The following TRIM37 variants were observed in gnomAD, a reference collection of about 807,000 sequenced individuals.
TRIM37 encodes tripartite motif containing 37, also known as E3 ubiquitin-protein ligase TRIM37.
A neutral mutation model predicts 129.8 loss-of-function variants in TRIM37; 80 were observed. The observed-to-expected ratio is 0.62, with a 90% CI of 0.51 to 0.74. The LOEUF (loss-of-function observed/expected upper bound fraction) is 0.74. TRIM37 is among the 30% of genes least tolerant of loss of function. TRIM37 has a pLI of 0.00. For synonymous variants in TRIM37, 389 were observed against 387.1 expected, an observed-to-expected ratio of 1.00 and a Z score of -0.06; for missense variants, 1,054 against 1,176.5, an observed-to-expected ratio of 0.90 and a Z score of 1.52.
At chr17:59,022,649 G>A (rs2145321856) in intron 19 of TRIM37, among the ~76,000 whole-genome samples, 2 of 152,274 alleles carry the variant, frequency 1.3e-5, no homozygotes, top group South Asian at 4.1e-4. Context: ...CAATGCATGT[G>A]ACTTAGAATA....
At chr17:58,988,330 C>T (rs1342076750) in intron 24 of TRIM37, among the ~76,000 whole-genome samples, 4 of 152,086 alleles carry the variant, frequency 2.6e-5, no homozygotes, top group East Asian at 1.9e-4. Flanking sequence ...GAGTATACAG[C>T]GGCCTTGGGC....
At chr17:58,987,397 C>A (rs1374196252) in intron 24 of TRIM37, among the ~76,000 whole-genome samples, 1 of 152,194 alleles carries the variant, frequency 6.6e-6, no homozygotes, top group African/African-American at 2.4e-5. Flanking sequence ...CCAGGAGACA[C>A]TGACTGACCT....
downstream of TRIM37, among the ~76,000 whole-genome samples, chr17:58,995,142 A>G (rs970815751): frequency 6.6e-6 from 1 of 151,800 alleles, no homozygotes; most frequent in African/African-American, 2.4e-5. Context: ...TCTACCTCCC[A>G]AGCTCAAGTG....
chr17:59,083,096 C>T (rs1337620289), intron 5 of TRIM37, among the ~76,000 whole-genome samples: 1 of 152,128 alleles, frequency 6.6e-6, no homozygotes, highest in Admixed American at 6.6e-5. Flanking sequence ...TTATTCTCAA[C>T]CTATTTATGC....
intron 19 of TRIM37, among the ~76,000 whole-genome samples, chr17:59,022,912 A>AT (rs1325460138): frequency 1.3e-5 from 2 of 152,092 alleles, no homozygotes; most frequent in Non-Finnish European, 2.9e-5. Flanking sequence ...TTTGTTACAT[A>AT]TTTTGCAGAT....
intron 15 of TRIM37, among the ~76,000 whole-genome samples, chr17:59,048,121 C>A (rs935498685): frequency 3.3e-5 from 5 of 152,136 alleles, no homozygotes; most frequent in African/African-American, 4.8e-5. Context: ...CTCAATTCTA[C>A]CTAATTTTAC....
chr17:59,073,421 G>A (rs781085304), intron 8 of TRIM37, among the ~76,000 whole-genome samples: 2 of 152,038 alleles, frequency 1.3e-5, no homozygotes, highest in African/African-American at 4.8e-5. Flanking sequence ...AGCCTCCCGA[G>A]TGGCTGGGAC....
chr17:59,049,834 TTTTA>T (rs1261218030), intron 14 of TRIM37, among the ~76,000 whole-genome samples: 1 of 152,128 alleles, frequency 6.6e-6, no homozygotes, highest in Non-Finnish European at 1.5e-5. Flanking sequence ...CCCTACTGCC[TTTTA>T]TTTATAAAAA....
intron 19 of TRIM37, among the ~76,000 whole-genome samples, chr17:59,020,494 A>G (rs1377429222): frequency 6.6e-6 from 1 of 152,052 alleles, no homozygotes; most frequent in Non-Finnish European, 1.5e-5. Context: ...ATGACTGTAT[A>G]TCAATAAATT....
At chr17:59,077,662 TAGC>T (rs2042921961) in intron 7 of TRIM37, among the ~76,000 whole-genome samples, 1 of 151,420 alleles carries the variant, frequency 6.6e-6, no homozygotes, top group Non-Finnish European at 1.5e-5. Context: ...ATACAAAAAT[TAGC>T]AGGGCGTGGT....
chr17:58,975,751 G>A, the TRIM37 span, among the ~76,000 whole-genome samples: 2 of 152,196 alleles, frequency 1.3e-5, no homozygotes, highest in Non-Finnish European at 2.9e-5. Flanking sequence ...GACTTTACCA[G>A]GTGAATACGC....
chr17:59,076,208 G>A (rs917514456), intron 7 of TRIM37, among the ~76,000 whole-genome samples: 29 of 152,180 alleles, frequency 1.9e-4, no homozygotes, highest in African/African-American at 6.5e-4. Flanking sequence ...TGCCCACAGA[G>A]GTGAACAGTC....
chr17:59,052,587 T>G (rs1325003689), intron 13 of TRIM37, among the ~76,000 whole-genome samples: 1 of 152,176 alleles, frequency 6.6e-6, no homozygotes, highest in Non-Finnish European at 1.5e-5. Flanking sequence ...GGATAGTCTT[T>G]ATAGGTCAGA....
intron 16 of TRIM37, among the ~76,000 whole-genome samples, chr17:59,045,732 T>C: frequency 6.6e-6 from 1 of 151,162 alleles, no homozygotes; most frequent in Non-Finnish European, 1.5e-5. Context: ...AATCCAAAAA[T>C]CGCCAGGCAC....
intron 2 of TRIM37, among the ~76,000 whole-genome samples, chr17:59,092,948 C>G (rs539614425): frequency 6.6e-6 from 1 of 151,874 alleles, no homozygotes; most frequent in Non-Finnish European, 1.5e-5. Context: ...GTCAGGAGTT[C>G]GAGACCAGCC....
chr17:59,001,126 C>CT (rs1376480044), intron 23 of TRIM37, among the ~76,000 whole-genome samples: 2 of 146,254 alleles, frequency 1.4e-5, no homozygotes, highest in African/African-American at 2.5e-5. Context: ...ACCCAGGAGG[C>CT]GGAGGTTGCA....
intron 6 of TRIM37, 57 bp downstream of exon 6, chr17:59,081,040 T>C (rs1666023946): frequency 3.1e-6 from 3 of 961,222 alleles, no homozygotes; most frequent in African/African-American, 3.5e-5. Context: ...TATATAAATA[T>C]ATTATTATAT....
intron 22 of TRIM37, among the ~76,000 whole-genome samples, chr17:59,005,957 C>A (rs2034430846): frequency 6.6e-6 from 1 of 152,124 alleles, no homozygotes; most frequent in Admixed American, 6.5e-5. Context: ...CCTTTGATTC[C>A]AGGTATCAGT....
In TRIM37 at chr17:59,049,258, C is replaced by T. The variant is rs1205008691; in HGVS notation, c.1450G>A (p.Gly484Ser). Residue 484 changes from glycine (G) to serine (S), a missense_variant, in exon 15 of 24, where the codon GGT becomes AGT. Physicochemically the swap from Gly to Ser is moderately conservative, Grantham distance 56. Around this residue, in one of 3 missense-constraint regions of TRIM37, gnomAD observed 752 missense variants for 870.8 expected, o/e 0.86. Transcript: ENST00000262294. The stretch of plus-strand genomic sequence containing the variant: ...CTTACAGAAGCTGTAGTAGGACCAC[C>T]TTCGAGAAGCATGTCAGAGCATGCA... ...KSACSDMLLE[G>S]GPTTASVREA... is the part of the protein sequence containing the mutation. 1 of 1,614,032 alleles carries T rather than the reference C, an allele frequency of 6.2e-7. No individual in the cohort carries two copies. Among genetic ancestry groups the T allele is most frequent in the African/African-American group, 1.3e-5 (1 of 74,914 alleles).
Sources: gnomAD v4.1 joint callset for allele counts (sites outside exome capture counted in the v4.1 genomes callset) on GRCh38, gnomAD v4.1.1 for gene constraint, gnomAD v4.1.1 regional missense constraint, MANE v1.5 for transcripts, NCBI Gene and HGNC (gene_info 2026-07-23, HGNC 2026-07-21) for gene names.